Variants in SSUH2 observed in about 807,000 individuals in gnomAD.
SSUH2 encodes the protein protein SSUH2 homolog.
Under a neutral mutation model 55.3 loss-of-function variants are expected in SSUH2, and 47 were observed. The observed-to-expected ratio is 0.85, with a 90% CI of 0.67 to 1.08. SSUH2 has a LOEUF of 1.08. Ranked by LOEUF, SSUH2 falls within the 50% of genes least tolerant of loss-of-function variation. The probability of loss-of-function intolerance (pLI) is 0.00; values close to 1 mark genes in which losing one functional copy is unlikely to be tolerated. For synonymous variants in SSUH2, 212 were observed against 191.5 expected, an observed-to-expected ratio of 1.11 and a Z score of -0.89; for missense variants, 535 against 490.7, an observed-to-expected ratio of 1.09 and a Z score of -0.85.
rs367906034 is a variant in SSUH2, at chr3:8,643,253, T to C, written c.28+1478A>G. ...GACACCATCCCTTTAAAAAAAATTA[T>C]GGGAAATGAAATTCAGAGAGGTTAA... On this transcript the variant is annotated intron_variant, in intron 1 of 11. Transcript: ENST00000544814. Among the ~76,000 whole-genome samples, 64 of 152,226 alleles carry C rather than the reference T, an allele frequency of 4.2e-4. 3 individuals carry two copies. The South Asian group carries it at 8.9e-3, about 21-fold the overall frequency.
At chr3:8,629,469 G>C (rs937822550) in intron 7 of SSUH2, 195 bp downstream of exon 7, 10 of 586,062 alleles carry the variant, frequency 1.7e-5, no homozygotes, top group Admixed American at 3.0e-5. Context: ...CAAAGTGAAA[G>C]TGTCATTAGA....
intron 10 of SSUH2, among the ~76,000 whole-genome samples, chr3:8,625,051 GC>G (rs1697238028): frequency 1.3e-5 from 2 of 152,130 alleles, no homozygotes; most frequent in African/African-American, 4.8e-5. Context: ...GTTTCTCAGT[GC>G]CCCTTCACCA....
In SSUH2 at chr3:8,670,977, G is replaced by A. The variant is rs547591568; in HGVS notation, c.-455+21C>T. On this transcript the variant is annotated intron_variant, in intron 5 of 18. Coordinates refer to the SSUH2 transcript ENST00000317371. ...AAGTAACATCCCCCGAGGATATAAC[G>A]AATAATGTCAGAGAATGTACCTGCA... is the stretch of plus-strand genomic sequence containing the variant. 258 of 417,312 alleles carry A rather than the reference G, an allele frequency of 6.2e-4. 3 individuals carry two copies. The highest frequency in any genetic ancestry group is 1.7e-3 in the South Asian group (99 of 58,282). The allele number at this position is 417,312 out of a possible 1,614,324, so 25.9% of individuals were successfully genotyped here.
rs1374090939 is a variant in SSUH2 at position 8,679,166 on chromosome 3, AG to A, written c.-901+538del. 4.3e-5 allele frequency among the ~76,000 whole-genome samples: 2 copies of A among 46,454 alleles called. 1 individual carries two copies. Among genetic ancestry groups the A allele is most frequent in the Non-Finnish European group, 9.5e-5 (2 of 21,130 alleles). 30.5% of individuals were successfully genotyped at this position (46,454 alleles called of 152,430 possible). On this transcript the variant is annotated intron_variant, in intron 2 of 18. Transcript: ENST00000317371. ...CCCCGCGAGGCGGGGACTGAGAGGC[AG>A]CCGCTGTTCCCCCACACTGGCTCTT...
exon 4 of SSUH2, chr3:8,671,991 G>C (rs930443434): frequency 6.6e-6 from 1 of 152,066 alleles, no homozygotes; most frequent in Non-Finnish European, 1.5e-5. Context: ...TTATAGACGG[G>C]TGTACATCCT....
intron 5 of SSUH2, among the ~76,000 whole-genome samples, chr3:8,665,707 A>C (rs371262625): frequency 3.3e-4 from 51 of 152,324 alleles, no homozygotes; most frequent in African/African-American, 1.2e-3. Context: ...CAAACGTCTT[A>C]ACAAATTAAA....
At position 8,681,127 on chromosome 3, in the gene SSUH2, C is replaced by CT. The variant is rs534931081; in HGVS notation, c.-1046+763dup. ...CGAGGCGGGTTCTGAGAGCCAGCCC[C>CT]TCTTCCCCCCCTGCCTCTTAGGACT... is the stretch of plus-strand genomic sequence containing the variant. On this transcript the variant is annotated intron_variant, in intron 1 of 18. Transcript: ENST00000317371. Among the ~76,000 whole-genome samples, 16 of 99,526 alleles carry CT rather than the reference C, an allele frequency of 1.6e-4. 1 individual carries two copies. The South Asian group carries it at 5.9e-3, about 36-fold the overall frequency. The allele number at this position is 99,526 out of a possible 152,430, so 65.3% of individuals were successfully genotyped here. A position where few individuals can be genotyped will look rare whatever the true frequency, so the allele number is the denominator to read the frequency against.
chr3:8,681,053 C>A lies in SSUH2; in HGVS notation c.-1046+838G>T, dbSNP rs372624379. Among the ~76,000 whole-genome samples the A allele has an allele frequency of 3.9e-3, 565 of 146,692 alleles. 4 individuals carry two copies. The highest frequency in any genetic ancestry group is 0.014 in the African/African-American group (540 of 39,290). ...CGGGGACTGAGAGCCACCCCCTCTT[C>A]CCCCGCTGGCTCTTAGGACTTCCAT... On this transcript the variant is annotated intron_variant, in intron 1 of 18. Coordinates refer to the SSUH2 transcript ENST00000317371.
At chr3:8,639,885 C>T (rs1700548558) in intron 1 of SSUH2, 3 of 883,452 alleles carry the variant, frequency 3.4e-6, no homozygotes, top group Non-Finnish European at 4.1e-6. Flanking sequence ...TGGCATTCAA[C>T]ACTTAAACAA....
intron 7 of SSUH2, among the ~76,000 whole-genome samples, chr3:8,628,179 C>T (rs1015230921): frequency 6.6e-6 from 1 of 152,114 alleles, no homozygotes; most frequent in East Asian, 1.9e-4. Context: ...CAGTTGGGCT[C>T]ATGGTGGGCT....
intron 5 of SSUH2, among the ~76,000 whole-genome samples, chr3:8,669,109 T>C (rs1025496547): frequency 3.3e-5 from 5 of 152,208 alleles, no homozygotes; most frequent in Non-Finnish European, 7.3e-5. Context: ...GCATACTCTC[T>C]CATTCAAATG....
exon 3 of SSUH2, chr3:8,677,267 C>T (rs1434621814): frequency 6.6e-6 from 1 of 151,672 alleles, no homozygotes. Context: ...AGGCAGGTAC[C>T]TTACTTGGGA....
chr3:8,630,574 C>T (rs994471895), intron 6 of SSUH2, among the ~76,000 whole-genome samples: 7 of 152,192 alleles, frequency 4.6e-5, no homozygotes, highest in Admixed American at 2.0e-4. Flanking sequence ...ATTTGTAAAT[C>T]GGATGATCTG....
intron 3 of SSUH2, among the ~76,000 whole-genome samples, chr3:8,673,192 T>A (rs1302501971): frequency 6.6e-6 from 1 of 152,150 alleles, no homozygotes; most frequent in Non-Finnish European, 1.5e-5. Context: ...GCATCATTAA[T>A]ATTAATCATT....
intron 1 of SSUH2, among the ~76,000 whole-genome samples, chr3:8,641,417 C>T (rs1249297084): frequency 6.6e-6 from 1 of 152,096 alleles, no homozygotes; most frequent in Non-Finnish European, 1.5e-5. Flanking sequence ...TCCCTAAAAG[C>T]AGGGCTCAGG....
Position 8,626,038 on chromosome 3 carries a change from C to G in SSUH2, c.767+191G>C, listed in dbSNP as rs558855547. Among the ~76,000 whole-genome samples the G allele has an allele frequency of 2.6e-5, 4 of 152,276 alleles. No homozygotes were observed. In the East Asian group the frequency reaches 7.7e-4, roughly 29 times the overall value. On this transcript the variant is annotated intron_variant, in intron 9 of 11. Transcript: ENST00000544814. Reference sequence around the variant, plus strand: ...TGGCAGAATTTGGACTGAGGTCTGTCTGTTCTAAAGCCAGTCAGCATCCCA... The same window carrying G: ...TGGCAGAATTTGGACTGAGGTCTGTGTGTTCTAAAGCCAGTCAGCATCCCA...
chr3:8,634,786 C>T (rs76389374), intron 3 of SSUH2: 663 of 365,216 alleles, frequency 1.8e-3, no homozygotes, highest in Non-Finnish European at 3.1e-3. Context: ...ACCTTCTCTC[C>T]GCACAAAGCT....
chr3:8,623,351 C>T (rs956873290), intron 11 of SSUH2, 198 bp downstream of exon 11: 3 of 510,200 alleles, frequency 5.9e-6, no homozygotes, highest in African/African-American at 5.9e-5. Flanking sequence ...GACCCACGGT[C>T]CTTCCTGCCT....
intron 6 of SSUH2, among the ~76,000 whole-genome samples, chr3:8,663,142 A>G (rs1048298824): frequency 1.3e-5 from 2 of 152,246 alleles, no homozygotes; most frequent in African/African-American, 2.4e-5. Flanking sequence ...GATCTCCACC[A>G]TAAATCCAGG....
Sources: allele counts gnomAD v4.1 joint callset (sites outside exome capture counted in the v4.1 genomes callset), GRCh38; gene constraint gnomAD v4.1.1; transcripts MANE v1.5; gene names NCBI Gene and HGNC (gene_info 2026-07-23, HGNC 2026-07-21).